The following GALNT11 variants were observed in gnomAD, a reference collection of about 807,000 sequenced individuals.
The protein encoded by GALNT11 is polypeptide N-acetylgalactosaminyltransferase 11.
In GALNT11, 47 loss-of-function variants were observed where a neutral mutation model predicts 72.7. The observed-to-expected ratio is 0.65, with a 90% CI of 0.51 to 0.82. GALNT11 has a LOEUF of 0.82. Ranked by LOEUF, GALNT11 falls within the 40% of genes least tolerant of loss-of-function variation. The probability of loss-of-function intolerance (pLI) is 0.00; values close to 1 mark genes in which losing one functional copy is unlikely to be tolerated. For missense variants in GALNT11, 677 were observed against 778.4 expected (o/e 0.87, Z 1.55); for synonymous variants, 270 against 286.6 (o/e 0.94, Z 0.58).
At chr7:152,084,608 C>G (rs2085528953) in intron 1 of GALNT11, among the ~76,000 whole-genome samples, 1 of 152,056 alleles carries the variant, frequency 6.6e-6, no homozygotes, top group Non-Finnish European at 1.5e-5. Flanking sequence ...TCTTTCTTGC[C>G]TCTCCTTCTT....
chr7:152,053,049 G>C (rs2083475919), intron 1 of GALNT11, among the ~76,000 whole-genome samples: 1 of 152,196 alleles, frequency 6.6e-6, no homozygotes, highest in Non-Finnish European at 1.5e-5. Context: ...CACTTTCACA[G>C]TTCTAAATCA....
At chr7:152,047,376 A>T (rs2083181828) in intron 1 of GALNT11, among the ~76,000 whole-genome samples, 1 of 152,162 alleles carries the variant, frequency 6.6e-6, no homozygotes, top group Non-Finnish European at 1.5e-5. Flanking sequence ...AGGCAGGAGA[A>T]TCACTTGAAC....
Position 152,094,497 on chromosome 7 carries a change from C to A in GALNT11, c.270C>A (p.Gly90=). 6.2e-7 allele frequency: 1 copy of A among 1,611,104 alleles called. No individual in the cohort carries two copies. The highest frequency in any genetic ancestry group is 8.5e-7 in the Non-Finnish European group (1 of 1,178,168). ...IDSRVEDPEE[G]HLKFSSELGM... ...GTCGTGTTGAAGATCCAGAAGAAGG[C>A]CACTTGAAATTCTCTTCTGAATTAG... is the stretch of plus-strand genomic sequence containing the variant. The change falls in exon 2 of 12, where the codon GGC becomes GGA. Residue 90 remains glycine (G), a synonymous_variant. Coordinates refer to ENST00000430044, the MANE Select transcript of GALNT11 (RefSeq NM_022087.4). The surrounding 1 kb of genome is among the most constrained non-coding windows in gnomAD (Gnocchi z 4.3).
At chr7:152,091,678 G>A (rs1014048425) in intron 1 of GALNT11, among the ~76,000 whole-genome samples, 25 of 152,122 alleles carry the variant, frequency 1.6e-4, no homozygotes, top group African/African-American at 6.0e-4. Context: ...GCCCCCAGCC[G>A]GAGAGGAAAG....
chr7:152,100,948 A>C, intron 3 of GALNT11, 27 bp downstream of exon 3: 1 of 1,611,046 alleles, frequency 6.2e-7, no homozygotes, highest in Non-Finnish European at 8.5e-7. Context: ...ATTTGCAAAT[A>C]CATTTTAACA....
intron 1 of GALNT11, among the ~76,000 whole-genome samples, chr7:152,083,630 C>G (rs187655526): frequency 5.9e-5 from 9 of 152,272 alleles, no homozygotes; most frequent in Admixed American, 2.6e-4. Context: ...TCACACCCCA[C>G]TAGTTCTTTT....
chr7:152,055,681 A>G (rs2083640865), intron 1 of GALNT11, among the ~76,000 whole-genome samples: 1 of 152,102 alleles, frequency 6.6e-6, no homozygotes, highest in South Asian at 2.1e-4. Flanking sequence ...GCTTATTACT[A>G]TCTTATTCTA....
rs978398452 is a variant in GALNT11 at position 152,093,976 on chromosome 7, G to A, written c.-38-214G>A. The A allele has an allele frequency of 3.1e-5, 12 of 386,990 alleles. No individual in the cohort carries two copies. The Admixed American group carries it at 4.8e-4, about 15-fold the overall frequency. The allele number at this position is 386,990 out of a possible 1,614,324, so 24.0% of individuals were successfully genotyped here. On this transcript the variant is annotated intron_variant, in intron 1 of 11. Transcript: ENST00000430044. ...TGAATCAGTCAGCTATTTCACTGCC[G>A]TTGGTTCTCTGAGCATTAACCCACA...
chr7:152,053,388 C>T (rs1180889571), intron 1 of GALNT11, among the ~76,000 whole-genome samples: 1 of 152,148 alleles, frequency 6.6e-6, no homozygotes, highest in Non-Finnish European at 1.5e-5. Context: ...TTTCCCAAGA[C>T]TTGAACTTTC....
At chr7:152,105,952 C>A (rs1203343094) in intron 5 of GALNT11, among the ~76,000 whole-genome samples, 4 of 152,176 alleles carry the variant, frequency 2.6e-5, no homozygotes, top group Non-Finnish European at 5.9e-5. Flanking sequence ...TGCTCTCCCC[C>A]TTTAAAAAGA....
At chr7:152,030,110 G>C (rs1337768177) in intron 1 of GALNT11, among the ~76,000 whole-genome samples, 1 of 152,196 alleles carries the variant, frequency 6.6e-6, no homozygotes, top group African/African-American at 2.4e-5. Context: ...AGAGAGTGTA[G>C]AAATAAAGAC....
chr7:152,118,738 G>A lies in GALNT11; in HGVS notation c.1513G>A (p.Gly505Ser). ...VAQGRPSQKG[G>S]LVVLKACDYS... ...CCAGGGCCGCCCAAGTCAGAAGGGAGGTCTCGTGGTGCTTAAGGCCTGTGA... is the reference window on the plus strand; with the variant it reads ...CCAGGGCCGCCCAAGTCAGAAGGGAAGTCTCGTGGTGCTTAAGGCCTGTGA... Residue 505 changes from glycine to serine, a missense_variant, in exon 10 of 12, where the codon GGT becomes AGT. Transcript: ENST00000430044. 2 of 1,611,708 alleles carry A rather than the reference G, an allele frequency of 1.2e-6. No individual in the cohort carries two copies. Among genetic ancestry groups the A allele is most frequent in the Non-Finnish European group, 1.7e-6 (2 of 1,179,208 alleles).
chr7:152,108,671 A>G (rs544380438), intron 6 of GALNT11, among the ~76,000 whole-genome samples: 2 of 152,206 alleles, frequency 1.3e-5, no homozygotes, highest in Non-Finnish European at 2.9e-5. Flanking sequence ...AAAAACATTA[A>G]TACGTAAGCC....
At chr7:152,120,722 G>T in intron 10 of GALNT11, 109 bp from the exon 11 acceptor site, 1 of 946,592 alleles carries the variant, frequency 1.1e-6, no homozygotes, top group Non-Finnish European at 1.6e-6. Flanking sequence ...TAGTGCATTG[G>T]TCTGTTTCTG....
intron 3 of GALNT11, among the ~76,000 whole-genome samples, chr7:152,102,459 T>C (rs1315328960): frequency 1.3e-5 from 2 of 151,888 alleles, no homozygotes; most frequent in Non-Finnish European, 2.9e-5. Context: ...GGAGAATCGC[T>C]TGAACCAGGG....
intron 1 of GALNT11, among the ~76,000 whole-genome samples, chr7:152,054,109 C>A (rs749711566): frequency 1.3e-5 from 2 of 151,972 alleles, no homozygotes; most frequent in Non-Finnish European, 1.5e-5. Flanking sequence ...GACTCATTTG[C>A]TATAGATATT....
At chr7:152,098,905 A>G (rs1193711687) in intron 2 of GALNT11, among the ~76,000 whole-genome samples, 2 of 152,220 alleles carry the variant, frequency 1.3e-5, no homozygotes, top group African/African-American at 4.8e-5. Context: ...CAAAGTAGAT[A>G]TGGGGACACT....
intron 1 of GALNT11, among the ~76,000 whole-genome samples, chr7:152,026,911 C>T (rs759633721): frequency 8.5e-5 from 13 of 152,226 alleles, no homozygotes. Context: ...AGGGCAGTGT[C>T]ATGGGCCATA....
intron 1 of GALNT11, among the ~76,000 whole-genome samples, chr7:152,054,009 A>G (rs191748913): frequency 7.9e-5 from 12 of 152,070 alleles, no homozygotes; most frequent in African/African-American, 1.4e-4. Context: ...GACTTTTCCA[A>G]TGTATTTCCT....
Sources: gnomAD v4.1 joint callset for allele counts (sites outside exome capture counted in the v4.1 genomes callset) on GRCh38, gnomAD v4.1.1 for gene constraint, Gnocchi (gnomAD v3.1) non-coding constraint, MANE v1.5 for transcripts, NCBI Gene and HGNC (gene_info 2026-07-23, HGNC 2026-07-21) for gene names.